The following KCNH1 variants were observed in gnomAD, a reference collection of about 807,000 sequenced individuals.
KCNH1 encodes the protein voltage-gated delayed rectifier potassium channel KCNH1.
KCNH1 carries 27 observed loss-of-function variants against 69.2 expected under a neutral mutation model. The observed-to-expected ratio is 0.39, with a 90% CI of 0.29 to 0.54. KCNH1 has a LOEUF of 0.54. KCNH1 is among the 20% of genes least tolerant of loss of function. The pLI, the probability that KCNH1 is intolerant of heterozygous loss-of-function variation, is 0.68. For synonymous variants in KCNH1, 456 were observed against 487.7 expected (o/e 0.93, Z 0.86); for missense variants, 798 against 1,261.6 (o/e 0.63, Z 5.57).
At position 210,822,114 on chromosome 1, in the gene KCNH1, G is replaced by A. The variant is rs562733278; in HGVS notation, c.1463-17948C>T. Among the ~76,000 whole-genome samples, 15 of 152,210 alleles carry A rather than the reference G, an allele frequency of 9.9e-5. No homozygotes were observed. The East Asian group carries it at 2.9e-3, about 30-fold the overall frequency. ...ACCTCATCCCAGATGAATAGACAAA[G>A]AGATGTGGTATGGTCAGGGTGCTGT... On this transcript the variant is annotated intron_variant, in intron 7 of 10. Coordinates refer to ENST00000271751, the MANE Select transcript of KCNH1 (RefSeq NM_172362.3).
chr1:211,126,950 A>T (rs905379248), intron 1 of KCNH1, among the ~76,000 whole-genome samples: 6 of 149,344 alleles, frequency 4.0e-5, no homozygotes, highest in Non-Finnish European at 9.0e-5. Context: ...ACCCAACCTC[A>T]CAAAAAAAAA....
intron 7 of KCNH1, among the ~76,000 whole-genome samples, chr1:210,907,307 C>T (rs975963612): frequency 5.9e-5 from 9 of 152,110 alleles, no homozygotes; most frequent in African/African-American, 2.2e-4. Context: ...AGGACTCACT[C>T]TACTGGGAAG....
At chr1:210,815,290 G>A (rs1684790138) in intron 7 of KCNH1, among the ~76,000 whole-genome samples, 1 of 152,158 alleles carries the variant, frequency 6.6e-6, no homozygotes, top group African/African-American at 2.4e-5. Flanking sequence ...CCTCAAGGAG[G>A]AAGGATGGCC....
intron 6 of KCNH1, among the ~76,000 whole-genome samples, chr1:210,960,033 A>T (rs948110008): frequency 6.6e-6 from 1 of 152,232 alleles, no homozygotes; most frequent in Non-Finnish European, 1.5e-5. Flanking sequence ...CTATTTGGCC[A>T]TCTTGGAATG....
At chr1:211,074,577 A>G (rs938531289) in intron 5 of KCNH1, among the ~76,000 whole-genome samples, 3 of 152,216 alleles carry the variant, frequency 2.0e-5, no homozygotes, top group Admixed American at 2.0e-4. Flanking sequence ...ATGGGTATCA[A>G]GTTGACAAGA....
At chr1:210,837,708 A>T (rs1373521203) in intron 7 of KCNH1, among the ~76,000 whole-genome samples, 2 of 152,160 alleles carry the variant, frequency 1.3e-5, no homozygotes, top group East Asian at 3.9e-4. Context: ...TCCTTCATCT[A>T]GGCAATTATA....
intron 10 of KCNH1, among the ~76,000 whole-genome samples, chr1:210,769,836 A>G (rs1246839889): frequency 6.6e-6 from 1 of 152,210 alleles, no homozygotes; most frequent in Non-Finnish European, 1.5e-5. Context: ...ATGTCTGGTT[A>G]TTAACCAAGG....
chr1:211,009,362 T>C (rs1283819073), intron 6 of KCNH1, among the ~76,000 whole-genome samples: 4 of 152,162 alleles, frequency 2.6e-5, no homozygotes. Context: ...GAACTCTTTC[T>C]AGGAGTCTTT....
At chr1:210,737,571 T>G (rs1682911383) in intron 10 of KCNH1, among the ~76,000 whole-genome samples, 1 of 152,166 alleles carries the variant, frequency 6.6e-6, no homozygotes, top group Non-Finnish European at 1.5e-5. Flanking sequence ...GCTCCTGAAT[T>G]TATATAGTTA....
chr1:211,072,675 A>G (rs1246433986), intron 5 of KCNH1, among the ~76,000 whole-genome samples: 1 of 151,700 alleles, frequency 6.6e-6, no homozygotes, highest in Non-Finnish European at 1.5e-5. Flanking sequence ...ATTAGTTGTA[A>G]ATGTATTTTG....
At chr1:210,902,685 T>C (rs1173370385) in intron 7 of KCNH1, among the ~76,000 whole-genome samples, 1 of 151,944 alleles carries the variant, frequency 6.6e-6, no homozygotes, top group African/African-American at 2.4e-5. Flanking sequence ...GGGCCCTCCA[T>C]AGTAAAGCGG....
At chr1:210,739,274 C>A (rs779149445) in intron 10 of KCNH1, among the ~76,000 whole-genome samples, 1 of 152,300 alleles carries the variant, frequency 6.6e-6, no homozygotes, top group African/African-American at 2.4e-5. Context: ...AGAGTCCAGA[C>A]GTTAGAGCTT....
At chr1:210,688,639 A>T (rs1681458969) in intron 10 of KCNH1, among the ~76,000 whole-genome samples, 1 of 152,212 alleles carries the variant, frequency 6.6e-6, no homozygotes, top group African/African-American at 2.4e-5. Flanking sequence ...GGCTGACCTC[A>T]TACTGATTTC....
chr1:210,990,726 T>C (rs1688921670), intron 6 of KCNH1, among the ~76,000 whole-genome samples: 1 of 152,208 alleles, frequency 6.6e-6, no homozygotes, highest in South Asian at 2.1e-4. Context: ...AATGTGATAA[T>C]GTTTATAAAA....
intron 10 of KCNH1, among the ~76,000 whole-genome samples, chr1:210,773,458 GT>G (rs958168340): frequency 1.3e-5 from 2 of 152,180 alleles, no homozygotes; most frequent in Non-Finnish European, 2.9e-5. Flanking sequence ...GCCTTCTCAG[GT>G]CTCTGTGCAG....
chr1:210,692,482 T>C (rs962453557), intron 10 of KCNH1, among the ~76,000 whole-genome samples: 16 of 152,306 alleles, frequency 1.1e-4, no homozygotes, highest in Admixed American at 6.5e-4. Flanking sequence ...CTCCTTGTTT[T>C]GTGCTCCCTC....
At chr1:210,824,047 C>T (rs535416108) in intron 7 of KCNH1, among the ~76,000 whole-genome samples, 1 of 152,218 alleles carries the variant, frequency 6.6e-6, no homozygotes, top group African/African-American at 2.4e-5. Flanking sequence ...GCAATCCTCC[C>T]ACCTTGGCCT....
In KCNH1 at chr1:211,035,619, A is replaced by T. The variant is rs560770488; in HGVS notation, c.559-16363T>A. ...CCAAGTCTTTATATAAAAGGCTATG[A>T]GTGATTCCAGTAAGATCAAGTTTTT... On this transcript the variant is annotated intron_variant, in intron 5 of 10. Transcript: ENST00000271751. Among the ~76,000 whole-genome samples the T allele has an allele frequency of 3.3e-4, 51 of 152,308 alleles. 1 individual carries two copies. The highest frequency in any genetic ancestry group is 1.2e-3 in the African/African-American group (51 of 41,576).
At chr1:210,881,518 A>G (rs1291684380) in intron 7 of KCNH1, among the ~76,000 whole-genome samples, 1 of 152,226 alleles carries the variant, frequency 6.6e-6, no homozygotes, top group African/African-American at 2.4e-5. Flanking sequence ...ACTACTTGTT[A>G]TGATTGGTAT....
Sources: allele counts gnomAD v4.1 joint callset (sites outside exome capture counted in the v4.1 genomes callset), GRCh38; gene constraint gnomAD v4.1.1; transcripts MANE v1.5; gene names NCBI Gene and HGNC (gene_info 2026-07-23, HGNC 2026-07-21).